The following MAPRE3 variants were observed in gnomAD, a reference collection of about 807,000 sequenced individuals.
MAPRE3 encodes the protein microtubule-associated protein RP/EB family member 3.
Under a neutral mutation model 30.5 loss-of-function variants are expected in MAPRE3, and 2 were observed. The observed-to-expected ratio is 0.07, with a 90% CI of 0.03 to 0.21. MAPRE3 has a LOEUF of 0.21. Among genes scored for constraint, MAPRE3 ranks in the 10% least tolerant of loss-of-function variants. The pLI is 1.00. For synonymous variants in MAPRE3, 110 were observed against 127.7 expected, an observed-to-expected ratio of 0.86 and a Z score of 0.93; for missense variants, 204 against 351.8, an observed-to-expected ratio of 0.58 and a Z score of 3.36.
At chr2:27,023,739 G>A (rs367871899) in intron 3 of MAPRE3, 16 of 520,434 alleles carry the variant, frequency 3.1e-5, no homozygotes, top group African/African-American at 2.3e-4. Context: ...TCTGTGCACC[G>A]CTCCTGTGAA....
intron 1 of MAPRE3, among the ~76,000 whole-genome samples, chr2:26,998,130 T>G (rs1278368443): frequency 6.6e-6 from 1 of 152,212 alleles, no homozygotes; most frequent in African/African-American, 2.4e-5. Context: ...CTTCAACACT[T>G]TGGTCACAGT....
At chr2:26,978,432 C>G (rs1482512867) in intron 1 of MAPRE3, among the ~76,000 whole-genome samples, 4 of 152,186 alleles carry the variant, frequency 2.6e-5, no homozygotes, top group African/African-American at 9.7e-5. Context: ...AGCCAGCCAC[C>G]CTCCACCCCC....
chr2:26,977,631 G>T (rs960679703), intron 1 of MAPRE3, among the ~76,000 whole-genome samples: 2 of 152,132 alleles, frequency 1.3e-5, no homozygotes, highest in Admixed American at 6.5e-5. Flanking sequence ...TCCTTCCAGG[G>T]ATAGAGAGGG....
At chr2:27,016,821 A>T (rs992640078) in intron 1 of MAPRE3, among the ~76,000 whole-genome samples, 3 of 152,128 alleles carry the variant, frequency 2.0e-5, no homozygotes, top group African/African-American at 7.2e-5. Context: ...GCAAAAGCCA[A>T]TCAGAAGTTG....
intron 1 of MAPRE3, among the ~76,000 whole-genome samples, chr2:27,004,402 G>GC (rs910862061): frequency 2.0e-5 from 3 of 152,020 alleles, no homozygotes; most frequent in African/African-American, 7.2e-5. Context: ...CCACTTCTTA[G>GC]CCCCTTCCTC....
At chr2:26,997,123 A>G (rs1666478894) in intron 1 of MAPRE3, among the ~76,000 whole-genome samples, 1 of 152,228 alleles carries the variant, frequency 6.6e-6, no homozygotes, top group African/African-American at 2.4e-5. Flanking sequence ...TGGCAATAGT[A>G]GAAATTAGCA....
chr2:26,984,913 G>T (rs1271387605), intron 1 of MAPRE3: 9 of 152,164 alleles, frequency 5.9e-5, no homozygotes, highest in African/African-American at 2.2e-4. Context: ...GACATGTCAG[G>T]GAACTGTTTT....
At chr2:27,019,175 A>G (rs548076612) in intron 1 of MAPRE3, among the ~76,000 whole-genome samples, 7 of 151,968 alleles carry the variant, frequency 4.6e-5, no homozygotes, top group Non-Finnish European at 1.0e-4. Context: ...CATTACAGGC[A>G]TGAGCCACCG....
Position 26,995,005 on chromosome 2 carries a change from TTTG to T in MAPRE3, c.-8+24216_-8+24218del, listed in dbSNP as rs1330387415. Reference sequence around the variant, plus strand: ...GCACAAGCCACCATGCCCAGCTAATTTTGTTGTTGTTGTTGCTCAAGACGGAAT... The same window carrying T: ...GCACAAGCCACCATGCCCAGCTAATTTTGTTGTTGTTGCTCAAGACGGAAT... On this transcript the variant is annotated intron_variant, in intron 1 of 6. Transcript: ENST00000233121. 3.9e-5 allele frequency among the ~76,000 whole-genome samples: 6 copies of T among 152,112 alleles called. No homozygotes were observed. The East Asian group carries it at 9.6e-4, about 24-fold the overall frequency.
chr2:26,980,188 T>G (rs1666085423), intron 1 of MAPRE3, among the ~76,000 whole-genome samples: 1 of 152,180 alleles, frequency 6.6e-6, no homozygotes, highest in South Asian at 2.1e-4. Flanking sequence ...TTTAACTAGA[T>G]TTAAGGATTT....
intron 1 of MAPRE3, among the ~76,000 whole-genome samples, chr2:26,983,331 C>T (rs889590503): frequency 1.3e-5 from 2 of 152,188 alleles, no homozygotes; most frequent in Non-Finnish European, 2.9e-5. Flanking sequence ...GCAGCACCCC[C>T]AACCCTGCCT....
chr2:27,009,440 T>C (rs1368464310), intron 1 of MAPRE3, among the ~76,000 whole-genome samples: 2 of 152,248 alleles, frequency 1.3e-5, no homozygotes, highest in Non-Finnish European at 2.9e-5. Flanking sequence ...CTAGAAAAGA[T>C]AATATAAAAT....
Position 27,022,203 on chromosome 2 carries a change from G to T in MAPRE3, c.-7-9G>T. 1 of 1,612,824 alleles carries T rather than the reference G, an allele frequency of 6.2e-7. No homozygotes were observed. Among genetic ancestry groups the T allele is most frequent in the East Asian group, 2.2e-5 (1 of 44,880 alleles). On this transcript the variant is annotated splice_polypyrimidine_tract_variant and intron_variant, in intron 1 of 6. Transcript: ENST00000233121. ...CAGTGCTGACCTCACCTTTCTTCTT[G>T]CTTTCCAGCTGGGGTATGGCCGTCA...
Position 27,025,567 on chromosome 2 carries a change from CT to C in MAPRE3, c.470-12del. On this transcript the variant is annotated splice_polypyrimidine_tract_variant and intron_variant, in intron 4 of 6. Transcript: ENST00000233121. The stretch of plus-strand genomic sequence containing the variant: ...TGGGCTCACGTGGACTTACCTGACT[CT>C]TTTCCTCTGGGCAGTTCCACAGAGG... 6.4e-7 allele frequency: 1 copy of C among 1,551,864 alleles called. No homozygotes were observed. Among genetic ancestry groups the C allele is most frequent in the Non-Finnish European group, 8.7e-7 (1 of 1,151,140 alleles).
rs72852942 is a variant in MAPRE3, at chr2:27,004,635, G to T, written c.-7-17577G>T. On this transcript the variant is annotated intron_variant, in intron 1 of 6. Transcript: ENST00000233121. ...TAATTTCTATTTTTGTAAAGATAGGGTCTCACTATGTTGCCTAGGCTAAAA... is the reference window on the plus strand; with the variant it reads ...TAATTTCTATTTTTGTAAAGATAGGTTCTCACTATGTTGCCTAGGCTAAAA... Among the ~76,000 whole-genome samples, 313 of 151,596 alleles carry T rather than the reference G, an allele frequency of 2.1e-3. 2 individuals carry two copies. The highest frequency in any genetic ancestry group is 6.8e-3 in the Middle Eastern group (2 of 294).
Position 27,015,275 on chromosome 2 carries a change from C to T in MAPRE3, c.-7-6937C>T, listed in dbSNP as rs1052945169. The stretch of plus-strand genomic sequence containing the variant: ...ACTGAATGTCAGGCTCTGTGCTCAG[C>T]ACTGTGTACACATGGCTCACTTAAT... On this transcript the variant is annotated intron_variant, in intron 1 of 6. Transcript: ENST00000233121. This position sits in a 1 kb window ranked among gnomAD's most constrained non-coding sequence, Gnocchi z 4.0. Among the ~76,000 whole-genome samples the T allele has an allele frequency of 2.0e-5, 3 of 152,248 alleles. No individual in the cohort carries two copies. The highest frequency in any genetic ancestry group is 7.2e-5 in the African/African-American group (3 of 41,464).
chr2:26,993,935 C>G (rs143220728), intron 1 of MAPRE3, among the ~76,000 whole-genome samples: 25 of 152,276 alleles, frequency 1.6e-4, no homozygotes, highest in Middle Eastern at 3.4e-3. Flanking sequence ...GCTCTCCCCC[C>G]AGACAGAGAC....
intron 1 of MAPRE3, among the ~76,000 whole-genome samples, chr2:27,009,374 G>T (rs905401630): frequency 2.6e-5 from 4 of 152,132 alleles, no homozygotes; most frequent in African/African-American, 9.7e-5. Context: ...TCATTTCAAA[G>T]TACAAAAGTT....
intron 2 of MAPRE3, 155 bp downstream of exon 2, chr2:27,022,494 T>C (rs1212476683): frequency 1.0e-6 from 1 of 984,980 alleles, no homozygotes. Context: ...TGTTGTTGTG[T>C]GAACATCACA....
Sources: gnomAD v4.1 joint callset for allele counts (sites outside exome capture counted in the v4.1 genomes callset) on GRCh38, gnomAD v4.1.1 for gene constraint, Gnocchi (gnomAD v3.1) non-coding constraint, MANE v1.5 for transcripts, NCBI Gene and HGNC (gene_info 2026-07-23, HGNC 2026-07-21) for gene names.